USP7: variants seen among roughly 807,000 people sequenced by gnomAD.
USP7 encodes ubiquitin specific peptidase 7.
Under a neutral mutation model 162.9 loss-of-function variants are expected in USP7, and 9 were observed. The observed-to-expected ratio is 0.06, with a 90% CI of 0.03 to 0.10. The LOEUF (loss-of-function observed/expected upper bound fraction) is 0.10, where lower values mean the gene tolerates loss of function less well. USP7 is among the 10% of genes least tolerant of loss of function. The pLI, the probability that USP7 is intolerant of heterozygous loss-of-function variation, is 1.00. For synonymous variants in USP7, 562 were observed against 475.9 expected (o/e 1.18, Z -2.35); for missense variants, 715 against 1,373.7 (o/e 0.52, Z 7.58).
chr16:8,919,552 C>A (rs1432591884), intron 5 of USP7, among the ~76,000 whole-genome samples: 2 of 152,032 alleles, frequency 1.3e-5, no homozygotes, highest in East Asian at 3.9e-4. Context: ...CAAGAAGAAA[C>A]AGAAGTGTGT....
chr16:8,895,205 T>C (rs892411479), intron 27 of USP7, 55 bp from the exon 28 acceptor site: 31 of 1,612,108 alleles, frequency 1.9e-5, no homozygotes, highest in Non-Finnish European at 2.5e-5. Flanking sequence ...GTGGTCAAAG[T>C]GTCCACATCT....
At chr16:8,910,677 G>T in intron 11 of USP7, 68 bp downstream of exon 11, 1 of 1,402,174 alleles carries the variant, frequency 7.1e-7, no homozygotes, top group Non-Finnish European at 1.0e-6. Flanking sequence ...TTTTTATTTA[G>T]CAATTAAAAG....
At chr16:8,907,686 A>G (rs1199833977) in intron 12 of USP7, among the ~76,000 whole-genome samples, 1 of 152,130 alleles carries the variant, frequency 6.6e-6, no homozygotes, top group Non-Finnish European at 1.5e-5. Context: ...TACTAAAAAT[A>G]CAAAAATTAG....
chr16:8,904,338 G>T (rs886305134), intron 15 of USP7, 97 bp downstream of exon 15: 2 of 1,544,804 alleles, frequency 1.3e-6, no homozygotes, highest in East Asian at 2.3e-5. Context: ...ATGGTGACCT[G>T]GGAGTCCCAG....
chr16:8,948,684 G>A (rs1899404777), intron 1 of USP7, among the ~76,000 whole-genome samples: 1 of 152,174 alleles, frequency 6.6e-6, no homozygotes, highest in Non-Finnish European at 1.5e-5. Context: ...CTACGATGTG[G>A]ATGAACCTTG....
chr16:8,898,343 G>T lies in USP7; in HGVS notation c.2718+17C>A, dbSNP rs1354649524. The T allele has an allele frequency of 6.4e-7, 1 of 1,572,652 alleles. No individual in the cohort carries two copies. The highest frequency in any genetic ancestry group is 8.7e-7 in the Non-Finnish European group (1 of 1,154,216). The stretch of plus-strand genomic sequence containing the variant: ...GTTCCAATAAAAATTAAAATTCATA[G>T]TATTAAAAAAACTTACCTCTTCCCT... On this transcript the variant is annotated intron_variant, in intron 25 of 30. Coordinates refer to ENST00000344836, the MANE Select transcript of USP7 (RefSeq NM_003470.3).
intron 4 of USP7, among the ~76,000 whole-genome samples, 178 bp downstream of exon 4, chr16:8,920,979 A>G (rs1468585162): frequency 6.6e-6 from 1 of 152,256 alleles, no homozygotes; most frequent in Non-Finnish European, 1.5e-5. Context: ...GTGAATCCAG[A>G]AAGCTGCTAA....
chr16:8,900,399 CAACAGTTACATTAAAAAA>C, intron 21 of USP7, 113 bp downstream of exon 21: 4 of 565,064 alleles, frequency 7.1e-6, no homozygotes, highest in Non-Finnish European at 1.2e-5. Context: ...GAAAGCCTCT[CAACAGTTACATTAAAAAA>C]AACAAAAACA....
intron 1 of USP7, among the ~76,000 whole-genome samples, chr16:8,936,229 G>A (rs552962454): frequency 1.3e-5 from 2 of 152,198 alleles, no homozygotes; most frequent in East Asian, 3.9e-4. Flanking sequence ...AACTACAGCT[G>A]TTATTACGGC....
At chr16:8,899,808 T>C (rs745792773) in intron 21 of USP7, 51 bp from the exon 22 acceptor site, 41 of 1,605,084 alleles carry the variant, frequency 2.6e-5, no homozygotes, top group South Asian at 5.5e-5. Flanking sequence ...TGGCAGGGGG[T>C]AGCTGGTAAA....
chr16:8,932,964 T>A (rs1206631270), intron 1 of USP7, among the ~76,000 whole-genome samples: 1 of 152,032 alleles, frequency 6.6e-6, no homozygotes, highest in Non-Finnish European at 1.5e-5. Flanking sequence ...TTTTTTTTTA[T>A]GGAGTTTCGC....
chr16:8,934,135 T>C (rs959737362), intron 1 of USP7, among the ~76,000 whole-genome samples: 1 of 152,176 alleles, frequency 6.6e-6, no homozygotes, highest in Non-Finnish European at 1.5e-5. Flanking sequence ...CCTACGACAA[T>C]AGCTTTAAAA....
intron 10 of USP7, among the ~76,000 whole-genome samples, chr16:8,911,648 C>T (rs554821661): frequency 2.0e-5 from 3 of 152,290 alleles, no homozygotes; most frequent in East Asian, 1.9e-4. Context: ...GGCTGCAGCC[C>T]GGAGAAGGCA....
At chr16:8,903,500 T>C in intron 15 of USP7, 98 bp from the exon 16 acceptor site, 1 of 1,378,660 alleles carries the variant, frequency 7.3e-7, no homozygotes, top group Non-Finnish European at 9.6e-7. Context: ...AAAACTCATT[T>C]TTTGTTCCAA....
chr16:8,911,337 G>T (rs536976426), intron 10 of USP7, among the ~76,000 whole-genome samples: 1 of 152,240 alleles, frequency 6.6e-6, no homozygotes, highest in African/African-American at 2.4e-5. Flanking sequence ...ATAGTAAAAC[G>T]TAACAATTTT....
intron 1 of USP7, among the ~76,000 whole-genome samples, chr16:8,941,634 C>G (rs1899049414): frequency 6.6e-6 from 1 of 152,172 alleles, no homozygotes; most frequent in South Asian, 2.1e-4. Context: ...CTTCTAGTAC[C>G]TTGTAGCCTT....
At chr16:8,904,781 T>TA (rs60248986) in intron 14 of USP7, among the ~76,000 whole-genome samples, 40,613 of 144,226 alleles carry the variant, frequency 0.28, 5,877 homozygotes, top group South Asian at 0.36. Context: ...TCTCTACTAC[T>TA]AAAAAAAAAA....
At chr16:8,947,306 C>A (rs949508025) in intron 1 of USP7, among the ~76,000 whole-genome samples, 28 of 152,082 alleles carry the variant, frequency 1.8e-4, no homozygotes, top group Non-Finnish European at 2.9e-4. Flanking sequence ...ATTTTTTATA[C>A]AACATTACCA....
chr16:8,948,581 A>G (rs887594193), intron 1 of USP7, among the ~76,000 whole-genome samples: 2 of 152,228 alleles, frequency 1.3e-5, no homozygotes, highest in African/African-American at 2.4e-5. Flanking sequence ...TACAGATGAC[A>G]CAATCCTAAG....
Sources: gnomAD v4.1 joint callset for allele counts (sites outside exome capture counted in the v4.1 genomes callset) on GRCh38, gnomAD v4.1.1 for gene constraint, MANE v1.5 for transcripts, NCBI Gene and HGNC (gene_info 2026-07-23, HGNC 2026-07-21) for gene names.